The following GPATCH2 variants were observed in gnomAD, a reference collection of about 807,000 sequenced individuals.
GPATCH2 encodes the protein G-patch domain containing 2, also known as G patch domain-containing protein 2.
Under a neutral mutation model 58.0 loss-of-function variants are expected in GPATCH2, and 51 were observed. The ratio of observed to expected loss-of-function variants is 0.88; its 90% CI spans 0.70 to 1.11. The LOEUF is 1.11. Ranked by LOEUF, GPATCH2 falls within the 50% of genes most tolerant of loss-of-function variation. The pLI is 0.00. For synonymous variants in GPATCH2, 222 were observed against 218.5 expected (o/e 1.02, Z -0.14); for missense variants, 625 against 652.2 (o/e 0.96, Z 0.45).
At chr1:217,555,724 T>C (rs1048123019) in intron 5 of GPATCH2, among the ~76,000 whole-genome samples, 5 of 152,140 alleles carry the variant, frequency 3.3e-5, no homozygotes, top group Non-Finnish European at 7.4e-5. Flanking sequence ...CAACTTTTCC[T>C]CCTCTGCTGA....
At chr1:217,623,917 AAAAC>A (rs1347182193) in intron 1 of GPATCH2, among the ~76,000 whole-genome samples, 1 of 152,228 alleles carries the variant, frequency 6.6e-6, no homozygotes, top group Non-Finnish European at 1.5e-5. Flanking sequence ...AACAAAAGAA[AAAAC>A]AAACAAACAA....
chr1:217,481,674 T>C (rs1175348934), intron 8 of GPATCH2, among the ~76,000 whole-genome samples: 1 of 152,032 alleles, frequency 6.6e-6, no homozygotes. Flanking sequence ...CCTGAGCACA[T>C]AGTGAGACTC....
At chr1:217,563,922 T>G (rs908549293) in intron 5 of GPATCH2, among the ~76,000 whole-genome samples, 16 of 151,642 alleles carry the variant, frequency 1.1e-4, no homozygotes, top group African/African-American at 3.4e-4. Flanking sequence ...CGCATGCCTG[T>G]AATCCCAACT....
chr1:217,582,113 T>C (rs2102744925), intron 5 of GPATCH2, among the ~76,000 whole-genome samples: 1 of 152,204 alleles, frequency 6.6e-6, no homozygotes, highest in Admixed American at 6.6e-5. Context: ...CTGAATTGGG[T>C]TGGGAATTAT....
At chr1:217,603,693 G>A (rs774486099) in intron 5 of GPATCH2, among the ~76,000 whole-genome samples, 48 of 151,974 alleles carry the variant, frequency 3.2e-4, no homozygotes, top group Non-Finnish European at 5.6e-4. Flanking sequence ...CATGATCTCC[G>A]CTCACTGCAA....
intron 6 of GPATCH2, among the ~76,000 whole-genome samples, chr1:217,510,128 T>G (rs555812571): frequency 1.3e-5 from 2 of 152,340 alleles, no homozygotes; most frequent in East Asian, 3.9e-4. Flanking sequence ...ACAGTGGTCT[T>G]TACCATTTTT....
At chr1:217,465,328 A>C (rs1024564525) in intron 8 of GPATCH2, among the ~76,000 whole-genome samples, 1 of 152,228 alleles carries the variant, frequency 6.6e-6, no homozygotes, top group African/African-American at 2.4e-5. Flanking sequence ...AAGAAGATCC[A>C]ATATAAGTAT....
intron 2 of GPATCH2, among the ~76,000 whole-genome samples, chr1:217,616,164 C>T (rs947568491): frequency 6.6e-6 from 1 of 152,124 alleles, no homozygotes; most frequent in Non-Finnish European, 1.5e-5. Flanking sequence ...ATGTGATTTA[C>T]ATGAACTCTC....
intron 6 of GPATCH2, among the ~76,000 whole-genome samples, chr1:217,504,882 A>G (rs1253099198): frequency 1.3e-5 from 2 of 152,238 alleles, no homozygotes; most frequent in African/African-American, 4.8e-5. Flanking sequence ...TTTTAGTGAA[A>G]AATGAGCAAA....
At chr1:217,484,519 C>T (rs959770954) in intron 8 of GPATCH2, among the ~76,000 whole-genome samples, 8 of 147,210 alleles carry the variant, frequency 5.4e-5, no homozygotes, top group Non-Finnish European at 7.5e-5. Flanking sequence ...ATTGTGTGAG[C>T]CAATTCCTTC....
intron 5 of GPATCH2, among the ~76,000 whole-genome samples, chr1:217,532,886 G>GTTT (rs57815648): frequency 2.3e-5 from 3 of 130,246 alleles, no homozygotes; most frequent in Non-Finnish European, 3.2e-5. Context: ...TCTTTTTTTT[G>GTTT]TTTTTTTTTT....
intron 5 of GPATCH2, among the ~76,000 whole-genome samples, chr1:217,572,564 A>G (rs765016179): frequency 7.3e-4 from 111 of 152,222 alleles, no homozygotes; most frequent in Admixed American, 1.7e-3. Context: ...AACAACCCCA[A>G]TGAGAAAACA....
chr1:217,618,272 C>A (rs189102383), intron 2 of GPATCH2, among the ~76,000 whole-genome samples: 1 of 147,554 alleles, frequency 6.8e-6, no homozygotes, highest in Non-Finnish European at 1.5e-5. Context: ...CGCAGTGGCA[C>A]GATCTTGGAT....
chr1:217,478,810 C>T (rs1301127915), intron 8 of GPATCH2, among the ~76,000 whole-genome samples: 2 of 151,980 alleles, frequency 1.3e-5, no homozygotes, highest in East Asian at 3.9e-4. Context: ...CAAAAGAAAA[C>T]TACCTCAAAA....
chr1:217,562,693 C>T (rs997693017), intron 5 of GPATCH2, among the ~76,000 whole-genome samples: 1 of 152,140 alleles, frequency 6.6e-6, no homozygotes, highest in African/African-American at 2.4e-5. Flanking sequence ...TATGTTCAAA[C>T]CACAGGGTTT....
intron 7 of GPATCH2, among the ~76,000 whole-genome samples, chr1:217,497,131 A>T (rs1662051116): frequency 6.6e-6 from 1 of 152,184 alleles, no homozygotes. Context: ...AAGGGTAGAA[A>T]ATGAGCTTTA....
chr1:217,630,932 CT>C lies in GPATCH2; in HGVS notation c.39del (p.Ala14GlnfsTer48). ...GAAGRQPIGAPAAGNSWHFSR... is the reference protein window; with the variant it reads ...GAAGRQPIGAXAAGNSWHFSR... The stretch of plus-strand genomic sequence containing the variant: ...CAGCCTCACCAGCTGTTCCCGGCTG[CT>C]GGAGCTCCGATCGGTTGGCGCCCGG... On this transcript the variant is annotated frameshift_variant, in exon 1 of 10. Coordinates refer to ENST00000366935, the MANE Select transcript of GPATCH2 (RefSeq NM_018040.5). LOFTEE classifies it high-confidence loss of function. 1 of 1,590,704 alleles carries C rather than the reference CT, an allele frequency of 6.3e-7. No homozygotes were observed. Among genetic ancestry groups the C allele is most frequent in the Non-Finnish European group, 8.5e-7 (1 of 1,173,678 alleles).
chr1:217,509,768 T>A (rs116547365), intron 6 of GPATCH2, among the ~76,000 whole-genome samples: 1 of 152,188 alleles, frequency 6.6e-6, no homozygotes, highest in African/African-American at 2.4e-5. Flanking sequence ...TGTAAGAGAT[T>A]CAAAGTACAA....
intron 2 of GPATCH2, among the ~76,000 whole-genome samples, chr1:217,619,245 A>G (rs554055805): frequency 8.3e-4 from 126 of 152,214 alleles, no homozygotes; most frequent in South Asian, 2.7e-3. Flanking sequence ...TGTTTTTCCT[A>G]TTTTTCTAAT....
Sources: gnomAD v4.1 joint callset for allele counts (sites outside exome capture counted in the v4.1 genomes callset) on GRCh38, gnomAD v4.1.1 for gene constraint, MANE v1.5 for transcripts, NCBI Gene and HGNC (gene_info 2026-07-23, HGNC 2026-07-21) for gene names.